ENDOV: variants seen among roughly 807,000 people sequenced by gnomAD.
ENDOV encodes endonuclease V.
ENDOV carries 37 observed loss-of-function variants against 39.4 expected under a neutral mutation model. That is an observed-to-expected ratio of 0.94 (90% CI 0.72 to 1.23). The LOEUF is 1.23. Among genes scored for constraint, ENDOV ranks in the 50% most tolerant of loss-of-function variants. The pLI, the probability that ENDOV is intolerant of heterozygous loss-of-function variation, is 0.00. For missense variants in ENDOV, 441 were observed against 375.7 expected (o/e 1.17, Z -1.44); for synonymous variants, 186 against 163.4 (o/e 1.14, Z -1.05).
chr17:80,436,472 T>A lies in ENDOV; in HGVS notation c.*329T>A. ...TTCTAGTCCTAATTTGTTAAGTGTT[T>A]TTATCCTTAAAGGGTACTGGATTTT... On this transcript the variant is annotated 3_prime_UTR_variant, in exon 10 of 10. Coordinates refer to ENST00000518137, the MANE Select transcript of ENDOV (RefSeq NM_173627.5). 1.1e-6 allele frequency: 1 copy of A among 882,970 alleles called. No individual in the cohort carries two copies. 54.7% of individuals were successfully genotyped at this position (882,970 alleles called of 1,614,324 possible). A position where few individuals can be genotyped will look rare whatever the true frequency, so the allele number is the denominator to read the frequency against.
chr17:80,415,326 T>A (rs2080936752), intron 1 of ENDOV, 76 bp downstream of exon 1: 2 of 1,537,032 alleles, frequency 1.3e-6, no homozygotes, highest in East Asian at 2.3e-5. Flanking sequence ...GAGCTCATAG[T>A]CTTCAGGCTG....
intron 4 of ENDOV, among the ~76,000 whole-genome samples, chr17:80,422,627 C>T (rs1568224250): frequency 6.6e-6 from 1 of 152,260 alleles, no homozygotes; most frequent in Non-Finnish European, 1.5e-5. Flanking sequence ...GGCCCCTTGT[C>T]CACAACTAGA....
At chr17:80,418,024 A>G (rs914548397) in intron 2 of ENDOV, 1 of 152,162 alleles carries the variant, frequency 6.6e-6, no homozygotes, top group Non-Finnish European at 1.5e-5. Context: ...GCAAAAATGT[A>G]CTGAGTGCCT....
intron 9 of ENDOV, among the ~76,000 whole-genome samples, chr17:80,430,675 G>A (rs1021799664): frequency 2.0e-5 from 3 of 152,368 alleles, no homozygotes; most frequent in Admixed American, 1.3e-4. Flanking sequence ...GGGCTGTGGG[G>A]CAGGAGGCCA....
At chr17:80,431,304 C>T (rs1256341705) in intron 9 of ENDOV, among the ~76,000 whole-genome samples, 6 of 152,218 alleles carry the variant, frequency 3.9e-5, no homozygotes, top group Non-Finnish European at 7.3e-5. Flanking sequence ...CGCCTGCGCT[C>T]ACTCGAAAGC....
At chr17:80,430,281 G>T in intron 9 of ENDOV, 1 of 1,490,864 alleles carries the variant, frequency 6.7e-7, no homozygotes. Context: ...CAGCCTGCAC[G>T]ACCCCTGCAG....
intron 9 of ENDOV, among the ~76,000 whole-genome samples, chr17:80,434,180 C>T (rs191884914): frequency 3.9e-5 from 6 of 152,182 alleles, no homozygotes; most frequent in East Asian, 1.9e-4. Flanking sequence ...CTGCTGTGGG[C>T]GCCATGCAGG....
intron 2 of ENDOV, chr17:80,418,686 C>T: frequency 6.6e-6 from 1 of 151,686 alleles, no homozygotes; most frequent in Admixed American, 6.6e-5. Context: ...GATCCTTGGG[C>T]CTTGGAGTTG....
intron 7 of ENDOV, among the ~76,000 whole-genome samples, chr17:80,427,019 C>T (rs941936526): frequency 6.0e-4 from 92 of 152,342 alleles, no homozygotes; most frequent in African/African-American, 2.0e-3. Flanking sequence ...ACCTTCGGGC[C>T]GGGGCCTTCC....
At chr17:80,425,176 A>G (rs922443173) in intron 6 of ENDOV, 76 bp downstream of exon 6, 2 of 1,297,302 alleles carry the variant, frequency 1.5e-6, no homozygotes, top group Admixed American at 4.2e-5. Context: ...AGGTGCATGC[A>G]GACACGCGTG....
chr17:80,416,782 A>T (rs1218231842), intron 2 of ENDOV, among the ~76,000 whole-genome samples: 1 of 104,030 alleles, frequency 9.6e-6, no homozygotes, highest in Non-Finnish European at 1.8e-5. Flanking sequence ...CCCTTCCCCC[A>T]CTCTGTGCCC....
chr17:80,427,149 G>A (rs2082798214), intron 7 of ENDOV, among the ~76,000 whole-genome samples: 1 of 152,250 alleles, frequency 6.6e-6, no homozygotes, highest in African/African-American at 2.4e-5. Context: ...CAGCCTTGCA[G>A]GGCTTTGCTC....
chr17:80,421,737 G>A, intron 2 of ENDOV, 91 bp from the exon 3 acceptor site: 5 of 1,491,350 alleles, frequency 3.4e-6, no homozygotes, highest in South Asian at 1.2e-5. Flanking sequence ...AAGGGAGAGG[G>A]AAGGATGAGG....
At chr17:80,430,543 C>G (rs1343169637) in intron 9 of ENDOV, among the ~76,000 whole-genome samples, 1 of 152,206 alleles carries the variant, frequency 6.6e-6, no homozygotes, top group African/African-American at 2.4e-5. Flanking sequence ...CACCTGCTCA[C>G]TGCCTGCCAT....
intron 2 of ENDOV, chr17:80,419,685 C>CAAGGA: frequency 1.4e-6 from 1 of 702,616 alleles, no homozygotes. Context: ...ACCACACTGT[C>CAAGGA]CCAAGAGGCT....
At chr17:80,428,887 G>A (rs895358403) in intron 8 of ENDOV, among the ~76,000 whole-genome samples, 5 of 152,198 alleles carry the variant, frequency 3.3e-5, no homozygotes, top group African/African-American at 7.2e-5. Context: ...CTGCCTCCAC[G>A]CAAAGCCCTG....
intron 7 of ENDOV, 61 bp downstream of exon 7, chr17:80,425,681 T>C: frequency 6.5e-7 from 1 of 1,534,516 alleles, no homozygotes; most frequent in Non-Finnish European, 8.7e-7. Flanking sequence ...CCACCTGCTG[T>C]TCAGGGCTCC....
At chr17:80,420,208 C>G (rs2081812043) in intron 2 of ENDOV, 1 of 155,918 alleles carries the variant, frequency 6.4e-6, no homozygotes, top group Non-Finnish European at 1.4e-5. Flanking sequence ...CATTATCATA[C>G]TGATTACACA....
At chr17:80,436,009 C>A in intron 9 of ENDOV, 124 bp from the exon 10 acceptor site, 3 of 1,078,430 alleles carry the variant, frequency 2.8e-6, no homozygotes, top group Non-Finnish European at 4.1e-6. Flanking sequence ...CCCACCTCGG[C>A]CTCCCCAAGT....
Sources: gnomAD v4.1 joint callset for allele counts (sites outside exome capture counted in the v4.1 genomes callset) on GRCh38, gnomAD v4.1.1 for gene constraint, MANE v1.5 for transcripts, NCBI Gene and HGNC (gene_info 2026-07-23, HGNC 2026-07-21) for gene names.